The following BMP7 variants were observed in gnomAD, a reference collection of about 807,000 sequenced individuals.
BMP7 encodes the protein bone morphogenetic protein 7, also known as osteogenic protein 1.
BMP7 carries 12 observed loss-of-function variants against 41.2 expected under a neutral mutation model. The observed-to-expected ratio is 0.29, with a 90% confidence interval of 0.19 to 0.47. BMP7 has a LOEUF of 0.47. Ranked by LOEUF, BMP7 falls within the 20% of genes least tolerant of loss-of-function variation. BMP7 has a pLI of 0.99. For synonymous variants in BMP7, 248 were observed against 250.0 expected, an observed-to-expected ratio of 0.99 and a Z score of 0.07; for missense variants, 467 against 606.0, an observed-to-expected ratio of 0.77 and a Z score of 2.41.
intron 1 of BMP7, among the ~76,000 whole-genome samples, chr20:57,235,788 G>T (rs773443742): frequency 3.9e-5 from 6 of 152,210 alleles, no homozygotes; most frequent in Non-Finnish European, 8.8e-5. Flanking sequence ...TGAATGTCAA[G>T]CTAAGGGGTT....
intron 4 of BMP7, among the ~76,000 whole-genome samples, chr20:57,176,349 C>T (rs754998050): frequency 1.1e-4 from 17 of 152,156 alleles, no homozygotes; most frequent in South Asian, 2.1e-4. Flanking sequence ...CTTAGCTCTG[C>T]GGGCTGGTGA....
intron 1 of BMP7, among the ~76,000 whole-genome samples, chr20:57,250,470 G>T (rs541460354): frequency 6.7e-6 from 1 of 148,542 alleles, no homozygotes; most frequent in African/African-American, 2.5e-5. Context: ...GGTAGAGGCT[G>T]CAGTGAGCCA....
In BMP7 at chr20:57,182,408, T is replaced by C. The variant is rs149403300; in HGVS notation, c.958+1314A>G. Among the ~76,000 whole-genome samples the C allele has an allele frequency of 8.5e-5, 13 of 152,298 alleles. No individual in the cohort carries two copies. The East Asian group carries it at 2.3e-3, about 27-fold the overall frequency. On this transcript the variant is annotated intron_variant, in intron 4 of 6. Coordinates refer to ENST00000395863, the MANE Select transcript of BMP7 (RefSeq NM_001719.3). ...CCCAATCAGCCTATGGGGAAAGGGA[T>C]TGCACCCCAGCCACAGCCCCAGTGC... is the stretch of plus-strand genomic sequence containing the variant.
rs1216802525 is a variant in BMP7, at chr20:57,261,140, C to T, written c.418+4565G>A. Among the ~76,000 whole-genome samples the T allele has an allele frequency of 6.6e-6, 1 of 152,212 alleles. No homozygotes were observed. On this transcript the variant is annotated intron_variant, in intron 1 of 6. Transcript: ENST00000395863. This position sits in a 1 kb window ranked among gnomAD's most constrained non-coding sequence, Gnocchi z 4.1. The stretch of plus-strand genomic sequence containing the variant: ...GCGGACACGTGATATTCACTCACAT[C>T]GCAGGCATTCCGGTGGTGAGGGGAT...
At chr20:57,189,824 G>A (rs1035859132) in intron 3 of BMP7, among the ~76,000 whole-genome samples, 8 of 152,200 alleles carry the variant, frequency 5.3e-5, no homozygotes, top group East Asian at 3.8e-4. Flanking sequence ...GGGGCACATC[G>A]GTGAATGAGA....
rs571689544 is a variant in BMP7, at chr20:57,266,116, C to T, written c.7G>A (p.Val3Met). The stretch of plus-strand genomic sequence containing the variant: ...GGCGCCGCAGCTCGCAGTGAGCGCA[C>T]GTGCATCGCGCCGGCTCTACGCGCT... MH[V>M]RSLRAAAPHS... The change falls in exon 1 of 7, where the codon GTG (valine) becomes ATG (methionine). Residue 3 changes from valine to methionine, a missense_variant. This residue lies in a region of BMP7 where 407 missense variants were observed against 485.9 expected (regional missense o/e 0.84). Coordinates refer to ENST00000395863, the MANE Select transcript of BMP7 (RefSeq NM_001719.3). The T allele has an allele frequency of 8.2e-5, 125 of 1,532,088 alleles. 1 individual carries two copies. The South Asian group carries it at 1.4e-3, about 17-fold the overall frequency. 94.9% of individuals were successfully genotyped at this position (1,532,088 alleles called of 1,614,324 possible).
intron 3 of BMP7, among the ~76,000 whole-genome samples, chr20:57,197,090 C>T (rs528988704): frequency 2.8e-4 from 42 of 152,074 alleles, no homozygotes; most frequent in Admixed American, 2.2e-3. Context: ...TTAGTAAAGA[C>T]GGGGTTTCAC....
At chr20:57,220,473 T>C (rs750269623) in intron 2 of BMP7, among the ~76,000 whole-genome samples, 2 of 152,230 alleles carry the variant, frequency 1.3e-5, no homozygotes, top group South Asian at 4.1e-4. Context: ...TAGATGTTAA[T>C]ACATTTGGAA....
At chr20:57,226,036 C>G (rs563473446) in intron 2 of BMP7, 96 of 446,328 alleles carry the variant, frequency 2.2e-4, no homozygotes, top group Non-Finnish European at 3.8e-4. Flanking sequence ...ATGGGCACCC[C>G]CAGCCCAAGT....
At chr20:57,179,703 C>CGTACACTTGAGT (rs777249632) in intron 4 of BMP7, among the ~76,000 whole-genome samples, 11 of 152,256 alleles carry the variant, frequency 7.2e-5, no homozygotes, top group Non-Finnish European at 1.2e-4. Flanking sequence ...GGCACACAGG[C>CGTACACTTGAGT]GTACACACTC....
At chr20:57,256,903 AAAAG>A (rs1468416857) in intron 1 of BMP7, among the ~76,000 whole-genome samples, 1 of 152,150 alleles carries the variant, frequency 6.6e-6, no homozygotes, top group African/African-American at 2.4e-5. Context: ...AAAAAAGAAA[AAAAG>A]AAATAAGTTG....
At chr20:57,231,167 A>G (rs1164318448) in intron 1 of BMP7, among the ~76,000 whole-genome samples, 1 of 152,164 alleles carries the variant, frequency 6.6e-6, no homozygotes, top group Non-Finnish European at 1.5e-5. Context: ...CTCATACACT[A>G]TATCATCTTT....
rs1390689970 is a variant in BMP7, at chr20:57,174,894, G to A, written c.1035+37C>T. 6.3e-7 allele frequency: 1 copy of A among 1,596,884 alleles called. No homozygotes were observed. Among genetic ancestry groups the A allele is most frequent in the South Asian group, 1.1e-5 (1 of 89,562 alleles). ...CTGCCTCGTGGGAGCCCACGCCAGA[G>A]GGCCCACACCCAAGACAGACCCAGC... On this transcript the variant is annotated intron_variant, in intron 5 of 6. Transcript: ENST00000395863. This position sits in a 1 kb window ranked among gnomAD's most constrained non-coding sequence, Gnocchi z 4.3.
At chr20:57,183,349 T>C (rs923421975) in intron 4 of BMP7, among the ~76,000 whole-genome samples, 1 of 152,174 alleles carries the variant, frequency 6.6e-6, no homozygotes, top group African/African-American at 2.4e-5. Flanking sequence ...CAAACTCTTC[T>C]ACCTCCCCAT....
chr20:57,209,247 TTTTATATATATATATA>T (rs1420963272), intron 2 of BMP7, among the ~76,000 whole-genome samples: 16 of 69,862 alleles, frequency 2.3e-4, no homozygotes, highest in African/African-American at 7.2e-4. Context: ...ATTTATATAT[TTTTATATATATATATA>T]TATATATATA....
intron 2 of BMP7, among the ~76,000 whole-genome samples, chr20:57,217,822 T>C (rs1168243330): frequency 6.6e-6 from 1 of 152,206 alleles, no homozygotes; most frequent in East Asian, 1.9e-4. Flanking sequence ...GCTGGGTCCT[T>C]AATTATGAAA....
At chr20:57,232,180 T>G (rs6025452) in intron 1 of BMP7, among the ~76,000 whole-genome samples, 57,237 of 152,094 alleles carry the variant, frequency 0.38, 14,119 homozygotes, top group African/African-American at 0.71. Flanking sequence ...CCTTCCCCAA[T>G]CTACTTAATC....
At chr20:57,254,017 CTTTTTTTTTTTTTT>C (rs35180643) in intron 1 of BMP7, among the ~76,000 whole-genome samples, 16 of 71,542 alleles carry the variant, frequency 2.2e-4, no homozygotes, top group East Asian at 7.4e-4. Context: ...GGTTTCTTTC[CTTTTTTTTTTTTTT>C]TTTTTTTTTT....
intron 1 of BMP7, among the ~76,000 whole-genome samples, chr20:57,240,292 G>C (rs1413993186): frequency 6.6e-6 from 1 of 152,164 alleles, no homozygotes; most frequent in Admixed American, 6.5e-5. Flanking sequence ...ATGCCGTCAG[G>C]CTCTTTGCTA....
Sources: allele counts gnomAD v4.1 joint callset (sites outside exome capture counted in the v4.1 genomes callset), GRCh38; gene constraint gnomAD v4.1.1; regional missense constraint gnomAD v4.1.1; non-coding constraint Gnocchi (gnomAD v3.1); transcripts MANE v1.5; gene names NCBI Gene and HGNC (gene_info 2026-07-23, HGNC 2026-07-21).